DHX57: variants seen among roughly 807,000 people sequenced by gnomAD.
The protein encoded by DHX57 is putative ATP-dependent RNA helicase DHX57.
A neutral mutation model predicts 156.2 loss-of-function variants in DHX57; 105 were observed. The ratio of observed to expected loss-of-function variants is 0.67; its 90% CI spans 0.57 to 0.79. DHX57 has a LOEUF of 0.79. Ranked by LOEUF, DHX57 falls within the 30% of genes least tolerant of loss-of-function variation. The pLI is 0.00. For missense variants in DHX57, 1,847 were observed against 1,661.9 expected, an observed-to-expected ratio of 1.11 and a Z score of -1.94; for synonymous variants, 704 against 595.6, an observed-to-expected ratio of 1.18 and a Z score of -2.65.
intron 21 of DHX57, among the ~76,000 whole-genome samples, chr2:38,807,990 G>T (rs1187511232): frequency 2.4e-5 from 2 of 82,626 alleles, no homozygotes; most frequent in Non-Finnish European, 4.3e-5. Context: ...GAGTCTTGTT[G>T]TGTCACCAGG....
At chr2:38,827,648 A>C (rs983772278) in intron 14 of DHX57, among the ~76,000 whole-genome samples, 4 of 150,582 alleles carry the variant, frequency 2.7e-5, no homozygotes, top group African/African-American at 9.8e-5. Context: ...ATTTTAAGGG[A>C]GTGTTCGTTT....
intron 1 of DHX57, among the ~76,000 whole-genome samples, chr2:38,871,805 C>T (rs1665367887): frequency 6.6e-6 from 1 of 150,872 alleles, no homozygotes; most frequent in Non-Finnish European, 1.5e-5. Context: ...CTCCCTGGTT[C>T]ATGCCATTCT....
At chr2:38,801,492 C>A (rs1572609575) in intron 23 of DHX57, among the ~76,000 whole-genome samples, 1 of 152,246 alleles carries the variant, frequency 6.6e-6, no homozygotes, top group African/African-American at 2.4e-5. Flanking sequence ...TCACTGCAAC[C>A]TCTGCCTCCT....
At chr2:38,807,820 A>G (rs183379292) in intron 21 of DHX57, among the ~76,000 whole-genome samples, 67 of 147,386 alleles carry the variant, frequency 4.5e-4, no homozygotes, top group African/African-American at 1.6e-3. Flanking sequence ...CTAATTTTGT[A>G]TCTTCAGTGT....
intron 13 of DHX57, among the ~76,000 whole-genome samples, chr2:38,830,110 A>G (rs963093102): frequency 1.6e-4 from 25 of 152,152 alleles, no homozygotes; most frequent in African/African-American, 5.8e-4. Flanking sequence ...CTCCATGTGA[A>G]GTGCAATGGG....
intron 13 of DHX57, among the ~76,000 whole-genome samples, chr2:38,829,092 C>G (rs534381299): frequency 4.6e-5 from 7 of 152,002 alleles, no homozygotes; most frequent in Non-Finnish European, 7.4e-5. Flanking sequence ...CAGGTACATG[C>G]CATCACGCCC....
At chr2:38,811,381 G>A (rs944266380) in intron 21 of DHX57, 19 of 550,584 alleles carry the variant, frequency 3.5e-5, no homozygotes, top group African/African-American at 3.4e-4. Context: ...GTTTGCGGGT[G>A]ATGTAAGGCC....
intron 5 of DHX57, 69 bp downstream of exon 5, chr2:38,860,930 C>G (rs1263516488): frequency 6.3e-6 from 9 of 1,421,902 alleles, no homozygotes; most frequent in Non-Finnish European, 8.7e-6. Flanking sequence ...CTAGACCAGC[C>G]TTAAAGGCTT....
intron 6 of DHX57, chr2:38,856,704 G>T: frequency 3.3e-6 from 1 of 306,562 alleles, no homozygotes; most frequent in Non-Finnish European, 5.9e-6. Flanking sequence ...ACTTCACCAT[G>T]TTGCCCAGGC....
At chr2:38,846,972 C>A in intron 11 of DHX57, 47 bp downstream of exon 11, 1 of 1,520,706 alleles carries the variant, frequency 6.6e-7, no homozygotes, top group Non-Finnish European at 9.1e-7. Context: ...AGGGATGAAC[C>A]ACCATGCCAG....
chr2:38,805,470 T>C (rs541685098), intron 22 of DHX57, among the ~76,000 whole-genome samples: 1 of 152,300 alleles, frequency 6.6e-6, no homozygotes, highest in East Asian at 1.9e-4. Context: ...AGTAGAGTAG[T>C]AGAAGGTTGG....
intron 22 of DHX57, among the ~76,000 whole-genome samples, chr2:38,805,100 C>G (rs1031225315): frequency 2.0e-5 from 3 of 152,110 alleles, no homozygotes; most frequent in African/African-American, 4.8e-5. Context: ...TTTGGATTCT[C>G]AAAAGAGGAG....
Position 38,826,443 on chromosome 2 carries a change from A to G in DHX57, c.2813+73T>C. The G allele has an allele frequency of 9.3e-6, 14 of 1,505,618 alleles. No individual in the cohort carries two copies. The South Asian group carries it at 1.4e-4, about 15-fold the overall frequency. 93.3% of individuals were successfully genotyped at this position (1,505,618 alleles called of 1,614,324 possible). ...GTAATCCGTGTAGCTTAATAGCATT[A>G]GCCACTAACAACGGTGTCTCCCTAA... On this transcript the variant is annotated intron_variant, in intron 15 of 23. Transcript: ENST00000457308.
Position 38,854,186 on chromosome 2 carries a change from A to T in DHX57, c.1906-8T>A, listed in dbSNP as rs1422533776. The T allele has an allele frequency of 6.2e-7, 1 of 1,612,066 alleles. No individual in the cohort carries two copies. The highest frequency in any genetic ancestry group is 8.5e-7 in the Non-Finnish European group (1 of 1,179,254). On this transcript the variant is annotated splice_polypyrimidine_tract_variant and splice_region_variant and intron_variant, in intron 8 of 23. Coordinates refer to ENST00000457308, the MANE Select transcript of DHX57 (RefSeq NM_198963.3). ...CAGTCTGGTGGCTGAGGACTTACAC[A>T]TGAAAGGGCAATATAAATCATTAAT...
intron 17 of DHX57, among the ~76,000 whole-genome samples, chr2:38,822,042 G>A (rs558817129): frequency 6.6e-5 from 10 of 152,128 alleles, no homozygotes; most frequent in African/African-American, 1.7e-4. Flanking sequence ...ACCACCCCCC[G>A]GCCCAGGTGG....
intron 23 of DHX57, among the ~76,000 whole-genome samples, chr2:38,800,080 G>A (rs1293389790): frequency 6.6e-6 from 1 of 151,848 alleles, no homozygotes. Flanking sequence ...AGCTACTTGG[G>A]AGGGTGAGGC....
intron 15 of DHX57, 128 bp from the exon 16 acceptor site, chr2:38,826,175 T>A: frequency 9.9e-7 from 1 of 1,005,576 alleles, no homozygotes; most frequent in Non-Finnish European, 1.4e-6. Context: ...TATTCTGGGA[T>A]AGTTGAGCCC....
intron 5 of DHX57, among the ~76,000 whole-genome samples, chr2:38,859,325 G>A (rs1673064013): frequency 6.6e-6 from 1 of 152,264 alleles, no homozygotes; most frequent in South Asian, 2.1e-4. Flanking sequence ...TCCAGAGTAG[G>A]CAAATCCATA....
At chr2:38,850,138 A>T (rs1465456593) in intron 9 of DHX57, among the ~76,000 whole-genome samples, 1 of 152,244 alleles carries the variant, frequency 6.6e-6, no homozygotes, top group Non-Finnish European at 1.5e-5. Context: ...TAAGAAAAAA[A>T]GGTCAGAAAA....
Sources: gnomAD v4.1 joint callset for allele counts (sites outside exome capture counted in the v4.1 genomes callset) on GRCh38, gnomAD v4.1.1 for gene constraint, MANE v1.5 for transcripts, NCBI Gene and HGNC (gene_info 2026-07-23, HGNC 2026-07-21) for gene names.